IMMP2L: variants seen among roughly 807,000 people sequenced by gnomAD.
IMMP2L encodes the protein inner mitochondrial membrane peptidase subunit 2, also known as mitochondrial inner membrane protease subunit 2.
Under a neutral mutation model 19.3 loss-of-function variants are expected in IMMP2L, and 18 were observed. The ratio of observed to expected loss-of-function variants is 0.93; its 90% CI spans 0.64 to 1.38. The LOEUF is 1.38. IMMP2L is among the 40% of genes most tolerant of loss of function. The probability of loss-of-function intolerance (pLI) is 0.00; values close to 1 mark genes in which losing one functional copy is unlikely to be tolerated. For missense variants in IMMP2L, 233 were observed against 218.2 expected (o/e 1.07, Z -0.43); for synonymous variants, 76 against 73.0 (o/e 1.04, Z -0.21).
chr7:111,294,409 G>C (rs1821415310), intron 3 of IMMP2L, among the ~76,000 whole-genome samples: 1 of 151,814 alleles, frequency 6.6e-6, no homozygotes, highest in Non-Finnish European at 1.5e-5. Context: ...AACATGGTGA[G>C]AAAAATGATC....
At chr7:110,797,305 CA>C in intron 5 of IMMP2L, among the ~76,000 whole-genome samples, 1 of 151,894 alleles carries the variant, frequency 6.6e-6, no homozygotes, top group African/African-American at 2.4e-5. Context: ...GACTCCTCAT[CA>C]AAATTACACA....
At chr7:111,239,121 T>C (rs1400827868) in intron 3 of IMMP2L, among the ~76,000 whole-genome samples, 2 of 151,940 alleles carry the variant, frequency 1.3e-5, no homozygotes, top group East Asian at 3.9e-4. Context: ...TATGTAAATC[T>C]GAACTAATTC....
chr7:110,889,832 C>G (rs1810607118), intron 4 of IMMP2L, among the ~76,000 whole-genome samples: 2 of 152,128 alleles, frequency 1.3e-5, no homozygotes, highest in African/African-American at 4.8e-5. Context: ...CACAGCTGGG[C>G]AAGTAACAAT....
intron 3 of IMMP2L, among the ~76,000 whole-genome samples, chr7:111,193,576 T>C (rs1198183027): frequency 6.6e-6 from 1 of 152,118 alleles, no homozygotes; most frequent in Non-Finnish European, 1.5e-5. Context: ...GAGTGATTAT[T>C]TGGGATTAAG....
chr7:110,973,372 A>T (rs1176591290), intron 3 of IMMP2L, among the ~76,000 whole-genome samples: 1 of 152,110 alleles, frequency 6.6e-6, no homozygotes, highest in African/African-American at 2.4e-5. Context: ...AGAACACCAA[A>T]GAAATCCCTT....
intron 5 of IMMP2L, among the ~76,000 whole-genome samples, chr7:110,753,297 G>C (rs953787854): frequency 1.3e-5 from 2 of 151,976 alleles, no homozygotes; most frequent in Admixed American, 1.3e-4. Flanking sequence ...TTAGATATTA[G>C]AAAAGGGAAT....
At chr7:111,316,570 C>T (rs1429655210) in intron 3 of IMMP2L, among the ~76,000 whole-genome samples, 1 of 151,716 alleles carries the variant, frequency 6.6e-6, no homozygotes, top group Non-Finnish European at 1.5e-5. Context: ...ACTCAAGCTA[C>T]GAGGGCCATA....
chr7:110,911,253 A>G (rs1362864648), intron 4 of IMMP2L, among the ~76,000 whole-genome samples: 1 of 152,170 alleles, frequency 6.6e-6, no homozygotes, highest in African/African-American at 2.4e-5. Flanking sequence ...TAAGAAGTTT[A>G]CATCTGAAAG....
intron 3 of IMMP2L, among the ~76,000 whole-genome samples, chr7:111,339,861 T>C (rs980352149): frequency 1.3e-5 from 2 of 152,022 alleles, no homozygotes; most frequent in African/African-American, 2.4e-5. Flanking sequence ...GAGGCTAAAA[T>C]AGCATTCAAA....
chr7:111,234,879 T>C (rs1389833719), intron 3 of IMMP2L, among the ~76,000 whole-genome samples: 2 of 152,104 alleles, frequency 1.3e-5, no homozygotes, highest in African/African-American at 4.8e-5. Flanking sequence ...CTACTACTAT[T>C]ATAATTTTAC....
At chr7:110,851,605 T>G (rs569977816) in intron 5 of IMMP2L, among the ~76,000 whole-genome samples, 1 of 152,230 alleles carries the variant, frequency 6.6e-6, no homozygotes, top group East Asian at 1.9e-4. Flanking sequence ...CATTTTCCTT[T>G]TCCTAAATGT....
intron 3 of IMMP2L, among the ~76,000 whole-genome samples, chr7:111,017,365 T>C (rs893352116): frequency 3.9e-5 from 6 of 152,096 alleles, no homozygotes; most frequent in African/African-American, 1.4e-4. Context: ...CGCCCAGCCT[T>C]GTTATTTTTA....
chr7:111,422,622 G>C (rs1410705020), intron 3 of IMMP2L, among the ~76,000 whole-genome samples: 1 of 151,860 alleles, frequency 6.6e-6, no homozygotes, highest in Non-Finnish European at 1.5e-5. Context: ...TTTGGGTTGA[G>C]ACGATAGTCT....
At chr7:111,165,985 A>T (rs905513618) in intron 3 of IMMP2L, among the ~76,000 whole-genome samples, 10 of 151,388 alleles carry the variant, frequency 6.6e-5, no homozygotes, top group African/African-American at 2.2e-4. Flanking sequence ...ATCCTCAAAG[A>T]GAGCTCAATA....
chr7:111,017,551 C>T (rs1825838692), intron 3 of IMMP2L, among the ~76,000 whole-genome samples: 1 of 152,136 alleles, frequency 6.6e-6, no homozygotes, highest in Non-Finnish European at 1.5e-5. Flanking sequence ...TACCCCACTC[C>T]CAGATATGGA....
At chr7:111,175,445 G>T (rs1173427404) in intron 3 of IMMP2L, among the ~76,000 whole-genome samples, 1 of 151,802 alleles carries the variant, frequency 6.6e-6, no homozygotes, top group Non-Finnish European at 1.5e-5. Flanking sequence ...TCCATTGTAG[G>T]TTTGTTATGA....
intron 3 of IMMP2L, among the ~76,000 whole-genome samples, chr7:111,228,687 G>A (rs1813374399): frequency 1.3e-5 from 2 of 152,020 alleles, no homozygotes; most frequent in African/African-American, 4.8e-5. Flanking sequence ...GGCAATGGCA[G>A]CATTTATGCC....
At chr7:111,229,239 C>G (rs868358340) in intron 3 of IMMP2L, among the ~76,000 whole-genome samples, 16 of 151,872 alleles carry the variant, frequency 1.1e-4, no homozygotes, top group Admixed American at 1.3e-4. Flanking sequence ...TTTAAAACTA[C>G]TGATTTAATA....
At chr7:110,873,776 A>AG (rs1222113237) in intron 5 of IMMP2L, among the ~76,000 whole-genome samples, 1 of 148,322 alleles carries the variant, frequency 6.7e-6, no homozygotes, top group Non-Finnish European at 1.5e-5. Context: ...ACTCTGTCTC[A>AG]GGAAAAAAAA....
Sources: gnomAD v4.1 joint callset for allele counts (sites outside exome capture counted in the v4.1 genomes callset) on GRCh38, gnomAD v4.1.1 for gene constraint, MANE v1.5 for transcripts, NCBI Gene and HGNC (gene_info 2026-07-23, HGNC 2026-07-21) for gene names.